DLGAP2: variants seen among roughly 807,000 people sequenced by gnomAD.
DLGAP2 encodes DLG associated protein 2, also known as disks large-associated protein 2.
A neutral mutation model predicts 100.3 loss-of-function variants in DLGAP2; 26 were observed. The observed-to-expected ratio is 0.26, with a 90% CI of 0.19 to 0.36. DLGAP2 has a LOEUF of 0.36. Ranked by LOEUF, DLGAP2 falls within the 10% of genes least tolerant of loss-of-function variation. The pLI is 1.00. For missense variants in DLGAP2, 1,858 were observed against 1,453.2 expected (o/e 1.28, Z -4.53); for synonymous variants, 886 against 630.1 (o/e 1.41, Z -6.08).
chr8:1,647,766 C>CG (rs1798076273), intron 8 of DLGAP2, among the ~76,000 whole-genome samples: 1 of 152,142 alleles, frequency 6.6e-6, no homozygotes, highest in Non-Finnish European at 1.5e-5. Flanking sequence ...TATAAGGAAG[C>CG]GTCATAGCCT....
chr8:1,706,143 G>C lies in DLGAP2; in HGVS notation c.*4737G>C. ...TACACATTCGGCTGAATGTCCCCCA[G>C]TGCAGGGTGGCAGCAGAATGTTCTG... On this transcript the variant is annotated 3_prime_UTR_variant, in exon 15 of 15. Coordinates refer to ENST00000637795, the MANE Select transcript of DLGAP2 (RefSeq NM_001346810.2). 1 of 152,248 alleles carries C rather than the reference G, an allele frequency of 6.6e-6. No homozygotes were observed. The highest frequency in any genetic ancestry group is 1.9e-4 in the East Asian group (1 of 5,200). 9.4% of individuals were successfully genotyped at this position (152,248 alleles called of 1,614,324 possible).
At chr8:1,178,118 C>G (rs188991848) in intron 2 of DLGAP2, among the ~76,000 whole-genome samples, 1 of 152,162 alleles carries the variant, frequency 6.6e-6, no homozygotes, top group Admixed American at 6.5e-5. Flanking sequence ...ACCCCAGAAT[C>G]CAAGGCCTTG....
At chr8:1,110,173 AGG>A (rs1804904038) in intron 2 of DLGAP2, among the ~76,000 whole-genome samples, 1 of 137,492 alleles carries the variant, frequency 7.3e-6, no homozygotes, top group Non-Finnish European at 1.5e-5. Context: ...CGGGTCTGTG[AGG>A]TGTGCATGGG....
At chr8:790,538 G>A (rs1456607289) in intron 1 of DLGAP2, among the ~76,000 whole-genome samples, 1 of 152,200 alleles carries the variant, frequency 6.6e-6, no homozygotes, top group Non-Finnish European at 1.5e-5. Flanking sequence ...CCTGGAGAAA[G>A]GTGTGAGTAG....
chr8:1,353,108 T>C (rs1366657564), intron 3 of DLGAP2, among the ~76,000 whole-genome samples: 3 of 152,198 alleles, frequency 2.0e-5, no homozygotes, highest in Non-Finnish European at 4.4e-5. Flanking sequence ...GTCAGTGATC[T>C]GGAGGAGTTT....
chr8:1,525,828 C>G (rs1800774813), intron 4 of DLGAP2, among the ~76,000 whole-genome samples: 1 of 152,182 alleles, frequency 6.6e-6, no homozygotes, highest in Admixed American at 6.5e-5. Context: ...CTCAGCATGT[C>G]TTGGCCTCAT....
At chr8:1,246,902 C>CCACGTCGGTGGCCGGG (rs1481439593) in intron 2 of DLGAP2, 2 of 65,846 alleles carry the variant, frequency 3.0e-5, no homozygotes, top group Non-Finnish European at 6.1e-5. Flanking sequence ...TGGTGTCCAG[C>CCACGTCGGTGGCCGGG]AAGACCTTTG....
intron 1 of DLGAP2, among the ~76,000 whole-genome samples, chr8:749,587 G>C (rs1018213680): frequency 6.6e-6 from 1 of 152,050 alleles, no homozygotes; most frequent in African/African-American, 2.4e-5. Context: ...CCTATTGTTT[G>C]ACATTTCAGT....
At chr8:1,633,181 A>G (rs6995939) in intron 8 of DLGAP2, 135 bp downstream of exon 8, 14 of 791,920 alleles carry the variant, frequency 1.8e-5, no homozygotes, top group Non-Finnish European at 2.8e-5. Context: ...TCCTAATTGC[A>G]TGTGTTACAC....
At chr8:845,992 C>A (rs1317066795) in intron 1 of DLGAP2, among the ~76,000 whole-genome samples, 3 of 152,122 alleles carry the variant, frequency 2.0e-5, no homozygotes, top group Non-Finnish European at 4.4e-5. Context: ...TCTTCGTAAA[C>A]GTTTGTTATT....
intron 2 of DLGAP2, among the ~76,000 whole-genome samples, chr8:1,023,307 G>A (rs1269383057): frequency 6.6e-6 from 1 of 152,182 alleles, no homozygotes; most frequent in Admixed American, 6.5e-5. Flanking sequence ...ATCTGTGACT[G>A]AAGCTGGATC....
At chr8:1,418,885 C>T (rs1349007254) in intron 3 of DLGAP2, among the ~76,000 whole-genome samples, 1 of 152,236 alleles carries the variant, frequency 6.6e-6, no homozygotes, top group Non-Finnish European at 1.5e-5. Flanking sequence ...ATCATGGGTT[C>T]CCATGGCTCT....
At chr8:1,697,369 A>G (rs981513616) in intron 14 of DLGAP2, 70 bp downstream of exon 14, 85 of 1,514,620 alleles carry the variant, frequency 5.6e-5, no homozygotes, top group Non-Finnish European at 7.1e-5. Flanking sequence ...CCTGCTGCAG[A>G]TAGAGCATGA....
At chr8:836,353 C>T (rs1796876050) in intron 1 of DLGAP2, among the ~76,000 whole-genome samples, 1 of 152,146 alleles carries the variant, frequency 6.6e-6, no homozygotes, top group Admixed American at 6.5e-5. Context: ...CCCTGCCTTG[C>T]GGGCGTCCGT....
At chr8:1,448,495 C>CT (rs1355760172) in intron 3 of DLGAP2, among the ~76,000 whole-genome samples, 1 of 151,966 alleles carries the variant, frequency 6.6e-6, no homozygotes, top group Non-Finnish European at 1.5e-5. Flanking sequence ...CTGAGGAGAG[C>CT]TTTACTTCCA....
At chr8:1,159,455 T>G (rs1796849907) in intron 2 of DLGAP2, among the ~76,000 whole-genome samples, 2 of 152,232 alleles carry the variant, frequency 1.3e-5, no homozygotes, top group Admixed American at 1.3e-4. Context: ...CGACAATTAA[T>G]ACGCAGTTAT....
At chr8:1,222,145 G>C (rs1798326548) in intron 2 of DLGAP2, among the ~76,000 whole-genome samples, 1 of 152,216 alleles carries the variant, frequency 6.6e-6, no homozygotes, top group Admixed American at 6.5e-5. Flanking sequence ...TTGGTTGTAA[G>C]AAGACACACT....
At chr8:1,463,468 C>A (rs970646225) in intron 3 of DLGAP2, among the ~76,000 whole-genome samples, 12 of 152,324 alleles carry the variant, frequency 7.9e-5, no homozygotes, top group African/African-American at 2.9e-4. Flanking sequence ...TCCCTTCGAA[C>A]CCACCGTCCA....
chr8:863,853 C>A (rs977472573), intron 1 of DLGAP2, among the ~76,000 whole-genome samples: 1 of 152,198 alleles, frequency 6.6e-6, no homozygotes, highest in Non-Finnish European at 1.5e-5. Context: ...AATCCCACTA[C>A]TGGCTACAAC....
Sources: allele counts gnomAD v4.1 joint callset (sites outside exome capture counted in the v4.1 genomes callset), GRCh38; gene constraint gnomAD v4.1.1; transcripts MANE v1.5; gene names NCBI Gene and HGNC (gene_info 2026-07-23, HGNC 2026-07-21).